The following BCL2 variants were observed in gnomAD, a reference collection of about 807,000 sequenced individuals.
BCL2 encodes the protein apoptosis regulator Bcl-2.
Under a neutral mutation model 14.2 loss-of-function variants are expected in BCL2, and 1 was observed. That is an observed-to-expected ratio of 0.07 (90% confidence interval 0.02 to 0.33). The LOEUF is 0.33. Ranked by LOEUF, BCL2 falls within the 10% of genes least tolerant of loss-of-function variation. BCL2 has a pLI of 0.99. For synonymous variants in BCL2, 151 were observed against 137.2 expected (o/e 1.10, Z -0.70); for missense variants, 247 against 305.9 (o/e 0.81, Z 1.44).
chr18:63,273,908 A>G (rs1330643106), intron 2 of BCL2, among the ~76,000 whole-genome samples: 1 of 152,236 alleles, frequency 6.6e-6, no homozygotes, highest in African/African-American at 2.4e-5. Flanking sequence ...AAATAGACAA[A>G]TGAAATAAGA....
chr18:63,238,389 A>C (rs1386422940), intron 2 of BCL2, among the ~76,000 whole-genome samples: 2 of 152,206 alleles, frequency 1.3e-5, no homozygotes, highest in Non-Finnish European at 2.9e-5. Flanking sequence ...ACTTTTGGAT[A>C]ATCAGTAATT....
At chr18:63,197,697 G>A (rs1909486494) in intron 2 of BCL2, among the ~76,000 whole-genome samples, 1 of 152,082 alleles carries the variant, frequency 6.6e-6, no homozygotes, top group African/African-American at 2.4e-5. Context: ...GAAGAAGGAA[G>A]TGAGGGAGGA....
intron 2 of BCL2, among the ~76,000 whole-genome samples, chr18:63,206,212 A>G (rs1490541406): frequency 6.6e-6 from 1 of 152,252 alleles, no homozygotes; most frequent in Non-Finnish European, 1.5e-5. Context: ...GACCGCACCA[A>G]CAAACAGCAC....
At chr18:63,265,207 A>G (rs889992340) in intron 2 of BCL2, among the ~76,000 whole-genome samples, 1 of 152,206 alleles carries the variant, frequency 6.6e-6, no homozygotes, top group African/African-American at 2.4e-5. Flanking sequence ...TGGGAAGGGG[A>G]AGGGCCACAA....
chr18:63,263,631 T>A (rs1568251354), intron 2 of BCL2, among the ~76,000 whole-genome samples: 1 of 152,236 alleles, frequency 6.6e-6, no homozygotes, highest in Non-Finnish European at 1.5e-5. Flanking sequence ...CATCATTGCA[T>A]CATCACTCTC....
intron 2 of BCL2, among the ~76,000 whole-genome samples, chr18:63,299,121 G>A (rs1159466887): frequency 2.0e-5 from 3 of 152,334 alleles, no homozygotes; most frequent in East Asian, 1.9e-4. Flanking sequence ...GTGATAGAAC[G>A]TTTAGAAAGA....
intron 2 of BCL2, among the ~76,000 whole-genome samples, chr18:63,280,072 C>A (rs971055570): frequency 6.6e-6 from 1 of 152,116 alleles, no homozygotes; most frequent in African/African-American, 2.4e-5. Flanking sequence ...ATGGGATATA[C>A]ATTTATATTT....
intron 2 of BCL2, among the ~76,000 whole-genome samples, chr18:63,232,093 C>T (rs1910704828): frequency 2.0e-5 from 3 of 151,726 alleles, no homozygotes; most frequent in East Asian, 1.9e-4. Flanking sequence ...ATAGGTGGTT[C>T]GCAGACAACT....
chr18:63,178,301 G>A (rs1915396724), intron 2 of BCL2, among the ~76,000 whole-genome samples: 1 of 152,160 alleles, frequency 6.6e-6, no homozygotes, highest in Admixed American at 6.5e-5. Flanking sequence ...TAAAAGGCTC[G>A]TAACTGTTGT....
chr18:63,189,052 T>G (rs1915657471), intron 2 of BCL2, among the ~76,000 whole-genome samples: 1 of 148,160 alleles, frequency 6.7e-6, no homozygotes, highest in Admixed American at 6.8e-5. Context: ...GTAATAGACA[T>G]CCTTACACAT....
At chr18:63,158,847 A>T (rs76722302) in intron 2 of BCL2, among the ~76,000 whole-genome samples, 3,586 of 152,286 alleles carry the variant, frequency 0.024, 150 homozygotes, top group African/African-American at 0.082. Flanking sequence ...GTTAATTTTT[A>T]AAAATCATGT....
intron 2 of BCL2, among the ~76,000 whole-genome samples, chr18:63,235,716 T>C (rs1425437255): frequency 6.6e-6 from 1 of 151,928 alleles, no homozygotes; most frequent in African/African-American, 2.4e-5. Flanking sequence ...AACAAGGACA[T>C]GACAAAATAG....
chr18:63,196,553 G>C (rs937614910), intron 2 of BCL2, among the ~76,000 whole-genome samples: 4 of 151,470 alleles, frequency 2.6e-5, no homozygotes, highest in South Asian at 2.1e-4. Context: ...TCTATGTATG[G>C]TCTTTTTTTT....
intron 2 of BCL2, among the ~76,000 whole-genome samples, chr18:63,221,639 G>A (rs1010699468): frequency 1.3e-5 from 2 of 152,200 alleles, no homozygotes; most frequent in African/African-American, 2.4e-5. Context: ...ATGAGGTAGC[G>A]GGGCCAGAAC....
At chr18:63,169,393 CTT>C (rs1599222185) in intron 2 of BCL2, among the ~76,000 whole-genome samples, 1 of 113,304 alleles carries the variant, frequency 8.8e-6, no homozygotes, top group African/African-American at 4.5e-5. Context: ...CTTTCTTTTT[CTT>C]TCTTTCTTTT....
chr18:63,157,472 C>T (rs547559035), intron 2 of BCL2, among the ~76,000 whole-genome samples: 48 of 152,296 alleles, frequency 3.2e-4, no homozygotes, highest in African/African-American at 1.1e-3. Context: ...ACCATGCACG[C>T]GGCAGTTGAA....
At chr18:63,168,318 C>T (rs1387917435) in intron 2 of BCL2, among the ~76,000 whole-genome samples, 2 of 152,096 alleles carry the variant, frequency 1.3e-5, no homozygotes, top group Non-Finnish European at 2.9e-5. Context: ...CACTTGAGCC[C>T]ATGAGCTTGA....
intron 2 of BCL2, among the ~76,000 whole-genome samples, chr18:63,307,676 G>A (rs1167564078): frequency 3.9e-5 from 6 of 152,202 alleles, no homozygotes; most frequent in Admixed American, 3.9e-4. Flanking sequence ...TCTGGCAGCA[G>A]CACAGGGGAC....
At chr18:63,242,911 G>A (rs1487042773) in intron 2 of BCL2, among the ~76,000 whole-genome samples, 2 of 152,246 alleles carry the variant, frequency 1.3e-5, no homozygotes, top group Non-Finnish European at 1.5e-5. Flanking sequence ...ACGGAGAGGC[G>A]CTGGAATATT....
Sources: allele counts gnomAD v4.1 joint callset (sites outside exome capture counted in the v4.1 genomes callset), GRCh38; gene constraint gnomAD v4.1.1; transcripts MANE v1.5; gene names NCBI Gene and HGNC (gene_info 2026-07-23, HGNC 2026-07-21).